The following MLLT3 variants were observed in gnomAD, a reference collection of about 807,000 sequenced individuals.
The protein encoded by MLLT3 is protein AF-9.
MLLT3 carries 4 observed loss-of-function variants against 53.2 expected under a neutral mutation model. The ratio of observed to expected loss-of-function variants is 0.08; its 90% confidence interval spans 0.04 to 0.17. The LOEUF (loss-of-function observed/expected upper bound fraction) is 0.17. Ranked by LOEUF, MLLT3 falls within the 10% of genes least tolerant of loss-of-function variation. The pLI is 1.00. For missense variants in MLLT3, 569 were observed against 684.0 expected, an observed-to-expected ratio of 0.83 and a Z score of 1.87; for synonymous variants, 283 against 230.6, an observed-to-expected ratio of 1.23 and a Z score of -2.06.
At chr9:20,536,852 A>G (rs1386611352) in intron 2 of MLLT3, among the ~76,000 whole-genome samples, 1 of 149,672 alleles carries the variant, frequency 6.7e-6, no homozygotes, top group Admixed American at 6.9e-5. Context: ...TTTAACTAGA[A>G]AAAAAAAAAA....
chr9:20,452,723 G>C (rs578187398), intron 3 of MLLT3, among the ~76,000 whole-genome samples: 202 of 152,214 alleles, frequency 1.3e-3, no homozygotes, highest in African/African-American at 4.6e-3. Context: ...ATATCCAGCT[G>C]GACCTTGGGG....
intron 2 of MLLT3, among the ~76,000 whole-genome samples, chr9:20,615,372 A>C (rs1273486927): frequency 2.0e-5 from 3 of 147,138 alleles, no homozygotes; most frequent in Admixed American, 6.7e-5. Flanking sequence ...AAAAAAAAAA[A>C]AAAAAAAAAA....
intron 2 of MLLT3, among the ~76,000 whole-genome samples, chr9:20,602,692 T>G (rs539947599): frequency 1.3e-5 from 2 of 151,482 alleles, no homozygotes; most frequent in Non-Finnish European, 2.9e-5. Context: ...CTTGGAGGAG[T>G]GGCAAATGTA....
At chr9:20,373,877 G>A (rs538547312) in intron 5 of MLLT3, among the ~76,000 whole-genome samples, 8 of 151,252 alleles carry the variant, frequency 5.3e-5, no homozygotes, top group Admixed American at 4.0e-4. Context: ...TTACTTCTCT[G>A]TTCAATTTTC....
intron 5 of MLLT3, among the ~76,000 whole-genome samples, chr9:20,406,903 G>A (rs1822592706): frequency 6.6e-6 from 1 of 152,118 alleles, no homozygotes; most frequent in Admixed American, 6.5e-5. Context: ...ATCACCTTTG[G>A]TGACCTAAGG....
At chr9:20,475,688 C>T (rs1035046658) in intron 2 of MLLT3, among the ~76,000 whole-genome samples, 2 of 152,080 alleles carry the variant, frequency 1.3e-5, no homozygotes, top group African/African-American at 4.8e-5. Context: ...GCTCCTCATT[C>T]TCACATTGGT....
At chr9:20,350,971 C>A (rs1821012572) in intron 10 of MLLT3, among the ~76,000 whole-genome samples, 1 of 152,090 alleles carries the variant, frequency 6.6e-6, no homozygotes, top group Admixed American at 6.6e-5. Flanking sequence ...TGGAGTAGAG[C>A]CAGATCTGGG....
chr9:20,499,182 G>C (rs1011605323), intron 2 of MLLT3, among the ~76,000 whole-genome samples: 7 of 152,220 alleles, frequency 4.6e-5, no homozygotes, highest in Admixed American at 2.0e-4. Context: ...TCCTCATAAA[G>C]ACAGCAGTCA....
At chr9:20,608,851 T>C (rs927547236) in intron 2 of MLLT3, among the ~76,000 whole-genome samples, 1 of 151,974 alleles carries the variant, frequency 6.6e-6, no homozygotes, top group Admixed American at 6.6e-5. Context: ...CTGACAACAA[T>C]AAGAAGTTCC....
chr9:20,574,589 T>C (rs1474215186), intron 2 of MLLT3, among the ~76,000 whole-genome samples: 1 of 152,224 alleles, frequency 6.6e-6, no homozygotes, highest in Admixed American at 6.5e-5. Flanking sequence ...AATGCTTTAT[T>C]GCTTAAAAAA....
intron 2 of MLLT3, among the ~76,000 whole-genome samples, chr9:20,551,022 T>C (rs1315179768): frequency 6.6e-6 from 1 of 152,120 alleles, no homozygotes; most frequent in African/African-American, 2.4e-5. Flanking sequence ...ACCTTAGCCT[T>C]CCAAAGACTG....
intron 2 of MLLT3, among the ~76,000 whole-genome samples, chr9:20,494,493 T>A (rs1825028016): frequency 1.3e-5 from 2 of 152,210 alleles, no homozygotes; most frequent in Admixed American, 1.3e-4. Flanking sequence ...TCTCTGGGAA[T>A]ATTTTTTCCT....
At chr9:20,406,659 G>A (rs1822584704) in intron 5 of MLLT3, among the ~76,000 whole-genome samples, 1 of 152,074 alleles carries the variant, frequency 6.6e-6, no homozygotes, top group Non-Finnish European at 1.5e-5. Flanking sequence ...TAATACCTGA[G>A]GGACCCATAT....
chr9:20,577,375 G>T (rs976720496), intron 2 of MLLT3, among the ~76,000 whole-genome samples: 2 of 152,154 alleles, frequency 1.3e-5, no homozygotes, highest in African/African-American at 4.8e-5. Flanking sequence ...TGATCCAGGA[G>T]TATAACCATT....
chr9:20,532,846 TG>T, intron 2 of MLLT3: 1 of 255,462 alleles, frequency 3.9e-6, no homozygotes, highest in Non-Finnish European at 7.6e-6. Flanking sequence ...CTGCTTAAGC[TG>T]GACCACAAGT....
rs543672849 is a variant in MLLT3, at chr9:20,346,379, CA to C, written c.*63del. On this transcript the variant is annotated 3_prime_UTR_variant, in exon 11 of 11. Coordinates refer to ENST00000380338, the MANE Select transcript of MLLT3 (RefSeq NM_004529.4). ...AACAACAAGAACAAAAAATCACAAC[CA>C]AAAAAAAAAAAAACCAAAAAAAAAA... 49,351 of 958,048 alleles carry C rather than the reference CA, an allele frequency of 0.052. 16 individuals carry two copies. Among genetic ancestry groups the C allele is most frequent in the East Asian group, 0.11 (2,922 of 27,422 alleles). The allele number at this position is 958,048 out of a possible 1,614,324, so 59.3% of individuals were successfully genotyped here.
intron 2 of MLLT3, among the ~76,000 whole-genome samples, chr9:20,502,866 A>G (rs1368627662): frequency 2.0e-5 from 3 of 152,344 alleles, no homozygotes; most frequent in Non-Finnish European, 4.4e-5. Context: ...AACAAAATCA[A>G]CATCATTTTT....
At position 20,344,131 on chromosome 9, in the gene MLLT3, G is replaced by C. The variant is rs540007822; in HGVS notation, c.*2312C>G. Reference sequence around the variant, plus strand: ...TTATTACCTAATTTTCAAGTCTAAAGTTTATCATATAATAGCTGTCCTTCT... The same window carrying C: ...TTATTACCTAATTTTCAAGTCTAAACTTTATCATATAATAGCTGTCCTTCT... On this transcript the variant is annotated 3_prime_UTR_variant, in exon 11 of 11. Coordinates refer to ENST00000380338, the MANE Select transcript of MLLT3 (RefSeq NM_004529.4). 4 of 194,942 alleles carry C rather than the reference G, an allele frequency of 2.1e-5. No homozygotes were observed. The East Asian group carries it at 2.5e-4, about 12-fold the overall frequency. 12.1% of individuals were successfully genotyped at this position (194,942 alleles called of 1,614,324 possible). A position where few individuals can be genotyped will look rare whatever the true frequency, so the allele number is the denominator to read the frequency against.
At position 20,346,557 on chromosome 9, in the gene MLLT3, T is replaced by G. The variant is rs566185777; in HGVS notation, c.1593A>C (p.Glu531Asp). Residue 531 changes from glutamate (E) to aspartate (D), a missense_variant, in exon 11 of 11, where the codon GAA (glutamate) becomes GAC (aspartate). Transcript: ENST00000380338. Reference sequence around the variant, plus strand: ...TTGTGATATGAAAGTGTCCAGTTTCTTCTATAAGGTTCACGATCTAGAGGA... The same window carrying G: ...TTGTGATATGAAAGTGTCCAGTTTCGTCTATAAGGTTCACGATCTAGAGGA... ...HILQQIVNLI[E>D]ETGHFHITNT... 6.2e-7 allele frequency: 1 copy of G among 1,613,528 alleles called. No homozygotes were observed. Among genetic ancestry groups the G allele is most frequent in the Admixed American group, 1.7e-5 (1 of 59,990 alleles).
Sources: gnomAD v4.1 joint callset for allele counts (sites outside exome capture counted in the v4.1 genomes callset) on GRCh38, gnomAD v4.1.1 for gene constraint, MANE v1.5 for transcripts, NCBI Gene and HGNC (gene_info 2026-07-23, HGNC 2026-07-21) for gene names.